MACROD2: variants seen among roughly 807,000 people sequenced by gnomAD.
The protein encoded by MACROD2 is mono-ADP ribosylhydrolase 2, also known as ADP-ribose glycohydrolase MACROD2.
MACROD2 carries 36 observed loss-of-function variants against 70.4 expected under a neutral mutation model. That is an observed-to-expected ratio of 0.51 (90% CI 0.39 to 0.68). The LOEUF is 0.68. Ranked by LOEUF, MACROD2 falls within the 30% of genes least tolerant of loss-of-function variation. MACROD2 has a pLI of 0.00. For missense variants in MACROD2, 496 were observed against 538.4 expected (o/e 0.92, Z 0.78); for synonymous variants, 172 against 178.8 (o/e 0.96, Z 0.30).
chr20:13,996,117 C>G (rs1044948591), intron 1 of MACROD2, among the ~76,000 whole-genome samples: 2 of 151,654 alleles, frequency 1.3e-5, no homozygotes, highest in African/African-American at 4.8e-5. Context: ...CGGGGACCCC[C>G]AGGCGGCAGC....
chr20:15,085,721 C>T (rs1414645119), intron 5 of MACROD2, among the ~76,000 whole-genome samples: 1 of 152,034 alleles, frequency 6.6e-6, no homozygotes, highest in Non-Finnish European at 1.5e-5. Context: ...CTTTGGTCTA[C>T]ACTGATCACC....
intron 8 of MACROD2, among the ~76,000 whole-genome samples, chr20:15,590,790 T>A (rs1229780789): frequency 6.6e-6 from 1 of 151,624 alleles, no homozygotes; most frequent in African/African-American, 2.4e-5. Flanking sequence ...TGAGAATCGC[T>A]TGAACCTGGG....
At chr20:14,172,792 G>A (rs955397998) in intron 3 of MACROD2, among the ~76,000 whole-genome samples, 12 of 152,102 alleles carry the variant, frequency 7.9e-5, no homozygotes, top group Admixed American at 5.2e-4. Context: ...GGTGTATTTT[G>A]AGGATTTGTT....
chr20:14,757,933 T>C, intron 5 of MACROD2: 1 of 1,082,448 alleles, frequency 9.2e-7, no homozygotes. Context: ...CCGACAGAGA[T>C]ACCTACAGAC....
At chr20:14,890,355 A>G (rs2073738653) in intron 5 of MACROD2, among the ~76,000 whole-genome samples, 1 of 152,176 alleles carries the variant, frequency 6.6e-6, no homozygotes, top group African/African-American at 2.4e-5. Context: ...GGATATGGAC[A>G]GGAACCAGAG....
intron 3 of MACROD2, among the ~76,000 whole-genome samples, chr20:14,104,073 C>T (rs2054336483): frequency 6.6e-6 from 1 of 151,962 alleles, no homozygotes; most frequent in Non-Finnish European, 1.5e-5. Context: ...CCAAATAGCT[C>T]TATGGAAAGG....
chr20:14,277,097 T>G (rs1026824411), intron 3 of MACROD2, among the ~76,000 whole-genome samples: 2 of 152,046 alleles, frequency 1.3e-5, no homozygotes, highest in African/African-American at 4.8e-5. Context: ...TAGCTGATGA[T>G]TTGAGATCAG....
At chr20:15,139,124 C>T (rs2076172700) in intron 5 of MACROD2, among the ~76,000 whole-genome samples, 1 of 151,948 alleles carries the variant, frequency 6.6e-6, no homozygotes, top group Non-Finnish European at 1.5e-5. Flanking sequence ...TCGTTTTGGC[C>T]CCTGTGAATA....
Position 16,050,462 on chromosome 20 carries a change from A to T in MACROD2, c.*586A>T, listed in dbSNP as rs967635381. On this transcript the variant is annotated 3_prime_UTR_variant, in exon 18 of 18. Transcript: ENST00000684519. ...AAGGCACAATTTGTTCCAAGTGGCT[A>T]ATGAGAAATATGGAAGCTGAATTTT... 6.6e-6 allele frequency: 1 copy of T among 152,402 alleles called. No homozygotes were observed. The highest frequency in any genetic ancestry group is 1.5e-5 in the Non-Finnish European group (1 of 68,172). The allele number at this position is 152,402 out of a possible 1,614,324, so 9.4% of individuals were successfully genotyped here. A position where few individuals can be genotyped will look rare whatever the true frequency, so the allele number is the denominator to read the frequency against.
In MACROD2 at chr20:14,441,476, T is replaced by C. The variant is rs7270227; in HGVS notation, c.272-52003T>C. On this transcript the variant is annotated intron_variant, in intron 3 of 17. Coordinates refer to ENST00000684519, the MANE Select transcript of MACROD2 (RefSeq NM_001351661.2). Reference sequence around the variant, plus strand: ...GTTATACAGCAGTGGATAACTGATATACATATGTAGGCCAAAAGGGAAGGA... The same window carrying C: ...GTTATACAGCAGTGGATAACTGATACACATATGTAGGCCAAAAGGGAAGGA... 5.0e-3 allele frequency among the ~76,000 whole-genome samples: 758 copies of C among 152,348 alleles called. 5 individuals carry two copies. Among genetic ancestry groups the C allele is most frequent in the African/African-American group, 0.018 (731 of 41,580 alleles).
At chr20:14,996,260 A>C (rs1189007786) in intron 5 of MACROD2, among the ~76,000 whole-genome samples, 1 of 152,172 alleles carries the variant, frequency 6.6e-6, no homozygotes, top group African/African-American at 2.4e-5. Flanking sequence ...GTGGCTTTTC[A>C]CATCAAGGGA....
intron 10 of MACROD2, among the ~76,000 whole-genome samples, 163 bp downstream of exon 10, chr20:15,885,974 A>G (rs553119894): frequency 3.5e-4 from 53 of 152,268 alleles, no homozygotes; most frequent in African/African-American, 1.3e-3. Context: ...ACTTAAGGCT[A>G]TTGCAGTTGC....
intron 8 of MACROD2, among the ~76,000 whole-genome samples, chr20:15,815,517 A>C (rs1249455027): frequency 6.6e-6 from 1 of 152,086 alleles, no homozygotes; most frequent in East Asian, 1.9e-4. Context: ...TCCCAATCTC[A>C]GTCTCCCTTG....
At chr20:14,744,349 G>A (rs570945661) in intron 5 of MACROD2, among the ~76,000 whole-genome samples, 3 of 152,232 alleles carry the variant, frequency 2.0e-5, no homozygotes, top group South Asian at 4.2e-4. Context: ...GTATAAAATT[G>A]TATGTATTTA....
intron 7 of MACROD2, among the ~76,000 whole-genome samples, chr20:15,492,583 G>T (rs988614153): frequency 2.6e-5 from 4 of 152,260 alleles, no homozygotes; most frequent in Admixed American, 1.3e-4. Flanking sequence ...GTGTAATTTT[G>T]CATTGACAGT....
rs574421470 is a variant in MACROD2, at chr20:14,538,929, C to T, written c.301+45421C>T. 3.3e-5 allele frequency among the ~76,000 whole-genome samples: 5 copies of T among 152,280 alleles called. No individual in the cohort carries two copies. The East Asian group carries it at 9.7e-4, about 29-fold the overall frequency. On this transcript the variant is annotated intron_variant, in intron 4 of 17. Coordinates refer to ENST00000684519, the MANE Select transcript of MACROD2 (RefSeq NM_001351661.2). Reference sequence around the variant, plus strand: ...CAACCCAGTCTCCAAATGTAAGCTCCGTGAGAGTCAGGACTTTGTGTGTTC... The same window carrying T: ...CAACCCAGTCTCCAAATGTAAGCTCTGTGAGAGTCAGGACTTTGTGTGTTC...
chr20:15,098,483 G>C (rs1017995634), intron 5 of MACROD2, among the ~76,000 whole-genome samples: 1 of 152,156 alleles, frequency 6.6e-6, no homozygotes, highest in African/African-American at 2.4e-5. Context: ...GGCCTGAAGT[G>C]TCCTCCATGC....
At chr20:15,083,596 A>T (rs1245381374) in intron 5 of MACROD2, among the ~76,000 whole-genome samples, 5 of 148,484 alleles carry the variant, frequency 3.4e-5, no homozygotes, top group Non-Finnish European at 6.0e-5. Flanking sequence ...ATCAACAATA[A>T]TTTTTTTTTT....
chr20:15,638,985 C>T (rs189216046), intron 8 of MACROD2, among the ~76,000 whole-genome samples: 9 of 152,246 alleles, frequency 5.9e-5, no homozygotes, highest in Admixed American at 5.2e-4. Context: ...TCCTAAAAGG[C>T]TCCCGATAAA....
Sources: gnomAD v4.1 joint callset for allele counts (sites outside exome capture counted in the v4.1 genomes callset) on GRCh38, gnomAD v4.1.1 for gene constraint, MANE v1.5 for transcripts, NCBI Gene and HGNC (gene_info 2026-07-23, HGNC 2026-07-21) for gene names.